The following RNF157 variants were observed in gnomAD, a reference collection of about 807,000 sequenced individuals.
RNF157 encodes the protein ring finger protein 157.
A neutral mutation model predicts 88.3 loss-of-function variants in RNF157; 55 were observed. The observed-to-expected ratio is 0.62, with a 90% confidence interval of 0.50 to 0.78. The LOEUF is 0.78. RNF157 is among the 30% of genes least tolerant of loss of function. The probability of loss-of-function intolerance (pLI) is 0.00; values close to 1 mark genes in which losing one functional copy is unlikely to be tolerated. For missense variants in RNF157, 788 were observed against 860.8 expected (o/e 0.92, Z 1.06); for synonymous variants, 334 against 341.2 (o/e 0.98, Z 0.23).
chr17:76,175,961 T>C (rs2069096198), intron 2 of RNF157, among the ~76,000 whole-genome samples: 1 of 152,224 alleles, frequency 6.6e-6, no homozygotes, highest in African/African-American at 2.4e-5. Flanking sequence ...TTCAATTGTT[T>C]ATAAATCCAC....
intron 2 of RNF157, among the ~76,000 whole-genome samples, chr17:76,184,016 C>A (rs887667149): frequency 1.3e-5 from 2 of 151,970 alleles, no homozygotes; most frequent in Middle Eastern, 6.8e-3. Flanking sequence ...ATGGTGAAAC[C>A]CCGTCTCTAC....
intron 18 of RNF157, among the ~76,000 whole-genome samples, chr17:76,148,612 C>T (rs1450286428): frequency 2.0e-5 from 3 of 150,124 alleles, no homozygotes; most frequent in African/African-American, 7.4e-5. Flanking sequence ...TCTCAGCCTC[C>T]CAGGCTGGAG....
intron 1 of RNF157, among the ~76,000 whole-genome samples, chr17:76,219,545 G>T (rs1310791275): frequency 6.6e-6 from 1 of 152,106 alleles, no homozygotes; most frequent in Non-Finnish European, 1.5e-5. Flanking sequence ...GAACGAAGTA[G>T]AAGGGACCAG....
chr17:76,207,069 G>A (rs2069692992), intron 2 of RNF157, among the ~76,000 whole-genome samples: 1 of 152,114 alleles, frequency 6.6e-6, no homozygotes, highest in Non-Finnish European at 1.5e-5. Flanking sequence ...CCATCTTTCT[G>A]TATATACACA....
chr17:76,221,482 A>G (rs2069982092), intron 1 of RNF157, among the ~76,000 whole-genome samples: 1 of 152,218 alleles, frequency 6.6e-6, no homozygotes, highest in South Asian at 2.1e-4. Context: ...AAAAATGACC[A>G]GGTTTCCTCA....
intron 2 of RNF157, among the ~76,000 whole-genome samples, chr17:76,210,322 A>G (rs116280632): frequency 0.027 from 4,075 of 152,062 alleles, 146 homozygotes; most frequent in African/African-American, 0.084. Flanking sequence ...CGCCGGGCGC[A>G]GTGGCTCATG....
Position 76,154,542 on chromosome 17 carries a change from A to G in RNF157, c.1765-214T>C, listed in dbSNP as rs146304492. The G allele has an allele frequency of 3.7e-3, 2,123 of 566,796 alleles. 9 individuals carry two copies. The highest frequency in any genetic ancestry group is 4.9e-3 in the Non-Finnish European group (1,562 of 316,988). The allele number at this position is 566,796 out of a possible 1,614,324, so 35.1% of individuals were successfully genotyped here. ...TGCCTACAGGGATTAGATCCGAGCC[A>G]CATTACCCATATATGCTCAGAATGG... On this transcript the variant is annotated intron_variant, in intron 16 of 18. Coordinates refer to ENST00000269391, the MANE Select transcript of RNF157 (RefSeq NM_052916.3).
At chr17:76,213,197 G>A (rs976238959) in intron 1 of RNF157, among the ~76,000 whole-genome samples, 1 of 152,064 alleles carries the variant, frequency 6.6e-6, no homozygotes, top group Non-Finnish European at 1.5e-5. Flanking sequence ...TACAGGTATC[G>A]GCATATACAT....
At chr17:76,185,997 C>A (rs1300916718) in intron 2 of RNF157, among the ~76,000 whole-genome samples, 1 of 152,024 alleles carries the variant, frequency 6.6e-6, no homozygotes, top group Admixed American at 6.6e-5. Context: ...ATATTTCTTC[C>A]TAAGCAAGTA....
intron 2 of RNF157, among the ~76,000 whole-genome samples, chr17:76,180,194 C>T (rs983316548): frequency 6.6e-6 from 1 of 152,054 alleles, no homozygotes; most frequent in African/African-American, 2.4e-5. Flanking sequence ...GTAAATAAAC[C>T]CTTAACAGCC....
chr17:76,156,100 A>C (rs377182641), intron 14 of RNF157, 110 bp downstream of exon 14: 2 of 797,070 alleles, frequency 2.5e-6, no homozygotes, highest in African/African-American at 3.4e-5. Flanking sequence ...CTTGTCATGC[A>C]GTACAGGTAT....
intron 1 of RNF157, chr17:76,226,273 A>G: frequency 6.2e-7 from 1 of 1,609,234 alleles, no homozygotes; most frequent in South Asian, 1.1e-5. Flanking sequence ...GCTCTAAACT[A>G]AAGGAATGAT....
At chr17:76,174,840 C>T (rs2069078426) in intron 2 of RNF157, among the ~76,000 whole-genome samples, 1 of 152,194 alleles carries the variant, frequency 6.6e-6, no homozygotes, top group Non-Finnish European at 1.5e-5. Flanking sequence ...GTGACTCTTA[C>T]ATTCAATAGA....
intron 1 of RNF157, chr17:76,226,475 T>TAC (rs2070088486): frequency 6.2e-7 from 1 of 1,609,376 alleles, no homozygotes; most frequent in Non-Finnish European, 8.5e-7. Context: ...GGTCAAAAGG[T>TAC]CATCTGGCAT....
intron 16 of RNF157, 24 bp from the exon 17 acceptor site, chr17:76,154,352 G>T (rs372713587): frequency 2.5e-6 from 4 of 1,588,778 alleles, no homozygotes; most frequent in Admixed American, 1.7e-5. Flanking sequence ...AAGGCCCTGT[G>T]AGTCTATGAA....
intron 14 of RNF157, among the ~76,000 whole-genome samples, chr17:76,155,991 A>G (rs1042141055): frequency 6.6e-5 from 10 of 152,202 alleles, no homozygotes; most frequent in Non-Finnish European, 1.5e-4. Context: ...TCATTACAGG[A>G]GGACTGGGGC....
rs1044272092 is a variant in RNF157, at chr17:76,142,785, T to A, written c.*2450A>T. 6.6e-6 allele frequency: 1 copy of A among 152,466 alleles called. No individual in the cohort carries two copies. Among genetic ancestry groups the A allele is most frequent in the African/African-American group, 2.4e-5 (1 of 41,404 alleles). The allele number at this position is 152,466 out of a possible 1,614,324, so 9.4% of individuals were successfully genotyped here. A position where few individuals can be genotyped will look rare whatever the true frequency, so the allele number is the denominator to read the frequency against. On this transcript the variant is annotated 3_prime_UTR_variant, in exon 19 of 19. Coordinates refer to ENST00000269391, the MANE Select transcript of RNF157 (RefSeq NM_052916.3). ...GATGCCTCAGCGGGGGTAGAAACTCTGGTGGGATGGAGCTGGGCAGAAGGA... is the reference window on the plus strand; with the variant it reads ...GATGCCTCAGCGGGGGTAGAAACTCAGGTGGGATGGAGCTGGGCAGAAGGA...
At chr17:76,201,323 C>CAAAA (rs780243656) in intron 2 of RNF157, among the ~76,000 whole-genome samples, 17 of 59,662 alleles carry the variant, frequency 2.8e-4, no homozygotes, top group African/African-American at 6.1e-4. Context: ...CTAGTCTCTA[C>CAAAA]AAAAAAAAAA....
chr17:76,240,353 G>A lies in RNF157; in HGVS notation c.-113C>T, dbSNP rs1178208494. ...GGGGGCCGACTGCCCGCCGCGGCCG[G>A]CTCCGCTGCGGCGCTGCGGCTCTGG... is the stretch of plus-strand genomic sequence containing the variant. On this transcript the variant is annotated 5_prime_UTR_variant, in exon 1 of 19. Coordinates refer to ENST00000269391, the MANE Select transcript of RNF157 (RefSeq NM_052916.3). This position sits in a 1 kb window ranked among gnomAD's most constrained non-coding sequence, Gnocchi z 4.4. 7 of 299,166 alleles carry A rather than the reference G, an allele frequency of 2.3e-5. No homozygotes were observed. Among genetic ancestry groups the A allele is most frequent in the Non-Finnish European group, 2.9e-5 (6 of 205,896 alleles). The allele number at this position is 299,166 out of a possible 1,614,324, so 18.5% of individuals were successfully genotyped here.
Sources: gnomAD v4.1 joint callset for allele counts (sites outside exome capture counted in the v4.1 genomes callset) on GRCh38, gnomAD v4.1.1 for gene constraint, Gnocchi (gnomAD v3.1) non-coding constraint, MANE v1.5 for transcripts, NCBI Gene and HGNC (gene_info 2026-07-23, HGNC 2026-07-21) for gene names.